The following KMT2C variants were observed in gnomAD, a reference collection of about 807,000 sequenced individuals.
KMT2C encodes lysine methyltransferase 2C, also known as histone-lysine N-methyltransferase 2C.
KMT2C carries 88 observed loss-of-function variants against 507.9 expected under a neutral mutation model. The observed-to-expected ratio is 0.17, with a 90% CI of 0.15 to 0.21. The LOEUF (loss-of-function observed/expected upper bound fraction) is 0.21, where lower values mean the gene tolerates loss of function less well. Ranked by LOEUF, KMT2C falls within the 10% of genes least tolerant of loss-of-function variation. The probability of loss-of-function intolerance (pLI) is 1.00; values close to 1 mark genes in which losing one functional copy is unlikely to be tolerated. For synonymous variants in KMT2C, 2,049 were observed against 2,080.8 expected, an observed-to-expected ratio of 0.98 and a Z score of 0.42; for missense variants, 4,954 against 5,957.8, an observed-to-expected ratio of 0.83 and a Z score of 5.55.
At chr7:152,377,884 G>C (rs901590300) in intron 1 of KMT2C, among the ~76,000 whole-genome samples, 4 of 152,202 alleles carry the variant, frequency 2.6e-5, no homozygotes, top group South Asian at 2.1e-4. Context: ...ACAGGTGTCT[G>C]GAAGAAGTTG....
intron 1 of KMT2C, among the ~76,000 whole-genome samples, chr7:152,360,602 G>T (rs2097188939): frequency 6.6e-6 from 1 of 152,040 alleles, no homozygotes; most frequent in African/African-American, 2.4e-5. Context: ...GAGAGGCCGA[G>T]GCAGGCAGAT....
rs2129114960 is a variant in KMT2C, at chr7:152,177,528, G to A, written c.7925C>T (p.Ser2642Phe). ...QQEQGHSVHS[S>F]SMVMRTLNHP... ...GTTCAGAGTCCTCATGACCATAGAA[G>A]ATGAATGGACAGAATGACCTTGCTC... The change falls in exon 38 of 59, where the codon TCT becomes TTT. Residue 2642 changes from serine (S) to phenylalanine (F), a missense_variant. Ser to Phe is a radical substitution (Grantham distance 155). Transcript: ENST00000262189. The A allele has an allele frequency of 6.2e-7, 1 of 1,614,214 alleles. No individual in the cohort carries two copies. Among genetic ancestry groups the A allele is most frequent in the Non-Finnish European group, 8.5e-7 (1 of 1,180,036 alleles).
intron 26 of KMT2C, among the ~76,000 whole-genome samples, chr7:152,201,106 G>T (rs2094122688): frequency 6.6e-6 from 1 of 152,092 alleles, no homozygotes; most frequent in African/African-American, 2.4e-5. Flanking sequence ...ACCATCATCA[G>T]CAAGAATTCT....
rs756980169 is a variant in KMT2C at position 152,297,057 on chromosome 7, G to GAAAGAAAGAAAGAA, written c.849+12908_849+12909insTTCTTTCTTTCTTT. ...AGAAAGAAAGAAAGAAAGAAAGACA[G>GAAAGAAAGAAAGAA]AGAGAGAGAGAGAGAGAGAGAGAGA... On this transcript the variant is annotated intron_variant, in intron 6 of 58. Transcript: ENST00000262189. 7.9e-4 allele frequency among the ~76,000 whole-genome samples: 72 copies of GAAAGAAAGAAAGAA among 90,708 alleles called. 1 individual carries two copies. The highest frequency in any genetic ancestry group is 2.6e-3 in the East Asian group (7 of 2,696). The allele number at this position is 90,708 out of a possible 152,430, so 59.5% of individuals were successfully genotyped here.
In KMT2C at chr7:152,309,507, CTTTTTTTTTT is replaced by C. The variant is rs60166582; in HGVS notation, c.849+449_849+458del. 8.6e-4 allele frequency among the ~76,000 whole-genome samples: 76 copies of C among 87,972 alleles called. 1 individual carries two copies. The highest frequency in any genetic ancestry group is 3.5e-3 in the Admixed American group (27 of 7,644). The allele number at this position is 87,972 out of a possible 152,430, so 57.7% of individuals were successfully genotyped here. ...CCCGGCTAATTTTTGCATAAAATAACTTTTTTTTTTTTTTTTTTTTTTTTTTTAATTAAAC... is the reference window on the plus strand; with the variant it reads ...CCCGGCTAATTTTTGCATAAAATAACTTTTTTTTTTTTTTTTTAATTAAAC... On this transcript the variant is annotated intron_variant, in intron 6 of 58. Transcript: ENST00000262189.
intron 31 of KMT2C, among the ~76,000 whole-genome samples, chr7:152,193,274 A>C (rs1287756664): frequency 6.6e-6 from 1 of 152,150 alleles, no homozygotes; most frequent in Non-Finnish European, 1.5e-5. Flanking sequence ...CAATTTCCCT[A>C]TCTACTCATA....
chr7:152,175,904 A>G (rs1277705362), intron 38 of KMT2C, among the ~76,000 whole-genome samples: 1 of 152,096 alleles, frequency 6.6e-6, no homozygotes, highest in Non-Finnish European at 1.5e-5. Flanking sequence ...TTGGCCAGGC[A>G]TGGTGGCACG....
chr7:152,323,823 TTAA>T (rs2096796776), intron 3 of KMT2C, among the ~76,000 whole-genome samples: 21 of 121,666 alleles, frequency 1.7e-4, no homozygotes, highest in Admixed American at 1.5e-3. Flanking sequence ...GGGAAGGGGA[TTAA>T]GGAAGAGTGG....
chr7:152,184,066 C>T (rs796254031), intron 34 of KMT2C, among the ~76,000 whole-genome samples: 12 of 139,356 alleles, frequency 8.6e-5, no homozygotes, highest in African/African-American at 2.9e-4. Flanking sequence ...CTGTGAAGCT[C>T]CATCTCAAAA....
chr7:152,386,876 T>C (rs1413304652), intron 1 of KMT2C, among the ~76,000 whole-genome samples: 4 of 152,174 alleles, frequency 2.6e-5, no homozygotes, highest in Non-Finnish European at 5.9e-5. Flanking sequence ...ACTGTCTTAA[T>C]ACAGAGCTCG....
Position 152,385,374 on chromosome 7 carries a change from A to G in KMT2C, c.162-26699T>C, listed in dbSNP as rs978558944. ...ACGCCTGTAATCCCAGCACTTTGGG[A>G]GGCCGAGGCGGGCGGATCACGAGGT... On this transcript the variant is annotated intron_variant, in intron 1 of 58. Coordinates refer to ENST00000262189, the MANE Select transcript of KMT2C (RefSeq NM_170606.3). Among the ~76,000 whole-genome samples, 4 of 139,540 alleles carry G rather than the reference A, an allele frequency of 2.9e-5. 1 individual carries two copies. The highest frequency in any genetic ancestry group is 1.3e-4 in the African/African-American group (4 of 30,502). The allele number at this position is 139,540 out of a possible 152,430, so 91.5% of individuals were successfully genotyped here.
At chr7:152,377,880 G>A (rs1040181123) in intron 1 of KMT2C, among the ~76,000 whole-genome samples, 2 of 152,166 alleles carry the variant, frequency 1.3e-5, no homozygotes, top group African/African-American at 4.8e-5. Flanking sequence ...ATGAACAGGT[G>A]TCTGGAAGAA....
chr7:152,375,528 G>GGCGCCCACAACC (rs1244572508), intron 1 of KMT2C, among the ~76,000 whole-genome samples: 1 of 149,984 alleles, frequency 6.7e-6, no homozygotes, highest in Non-Finnish European at 1.5e-5. Flanking sequence ...TGGGATTACA[G>GGCGCCCACAACC]GCGCCCACAA....
At chr7:152,268,593 T>C (rs1356612588) in intron 7 of KMT2C, among the ~76,000 whole-genome samples, 1 of 152,160 alleles carries the variant, frequency 6.6e-6, no homozygotes, top group East Asian at 1.9e-4. Context: ...GGAAGCATCA[T>C]AAATTAGTTC....
chr7:152,370,771 T>G (rs2097287951), intron 1 of KMT2C, among the ~76,000 whole-genome samples: 1 of 152,224 alleles, frequency 6.6e-6, no homozygotes, highest in Non-Finnish European at 1.5e-5. Flanking sequence ...CAAACTACGG[T>G]CCAGAGGCCA....
At chr7:152,328,413 G>C (rs1314176523) in intron 3 of KMT2C, among the ~76,000 whole-genome samples, 1 of 152,140 alleles carries the variant, frequency 6.6e-6, no homozygotes, top group Non-Finnish European at 1.5e-5. Context: ...AGCAGAGCAA[G>C]CACCAAAGCT....
At position 152,314,748 on chromosome 7, in the gene KMT2C, A is replaced by C. The variant is rs563741012; in HGVS notation, c.590+390T>G. 4.6e-4 allele frequency among the ~76,000 whole-genome samples: 70 copies of C among 152,296 alleles called. No homozygotes were observed. The South Asian group carries it at 5.2e-3, about 11-fold the overall frequency. ...GCTATTGTATTATGTTATATTCTTA[A>C]AATTAAAAGCTTATTTAGAGAAACA... is the stretch of plus-strand genomic sequence containing the variant. On this transcript the variant is annotated intron_variant, in intron 4 of 58. Coordinates refer to ENST00000262189, the MANE Select transcript of KMT2C (RefSeq NM_170606.3).
At chr7:152,362,156 A>G (rs2097202293) in intron 1 of KMT2C, among the ~76,000 whole-genome samples, 1 of 152,232 alleles carries the variant, frequency 6.6e-6, no homozygotes, top group South Asian at 2.1e-4. Context: ...TAAATAACAG[A>G]TTTATAAAAT....
In KMT2C at chr7:152,163,705, A is replaced by G; in HGVS notation, c.9872T>C (p.Ile3291Thr). 6.2e-6 allele frequency: 10 copies of G among 1,613,988 alleles called. No individual in the cohort carries two copies. Among genetic ancestry groups the G allele is most frequent in the Non-Finnish European group, 5.9e-6 (7 of 1,179,974 alleles). ...MPSVQPQPPL[I>T]PGATPPTMSQ... ...CATGGTGGGTGGAGTGGCACCTGGA[A>G]TTAGGGGTGGCTGGGGCTGGACACT... Residue 3291 changes from isoleucine to threonine, a missense_variant, in exon 43 of 59, where the codon ATT becomes ACT. Around this residue, in one of 29 missense-constraint regions of KMT2C, gnomAD observed 801 missense variants for 751.2 expected, o/e 1.07. Coordinates refer to ENST00000262189, the MANE Select transcript of KMT2C (RefSeq NM_170606.3).
Sources: allele counts gnomAD v4.1 joint callset (sites outside exome capture counted in the v4.1 genomes callset), GRCh38; gene constraint gnomAD v4.1.1; regional missense constraint gnomAD v4.1.1; transcripts MANE v1.5; gene names NCBI Gene and HGNC (gene_info 2026-07-23, HGNC 2026-07-21).